Variants in CNTNAP5 observed in about 807,000 individuals in gnomAD.
CNTNAP5 encodes the protein contactin-associated protein-like 5.
CNTNAP5 carries 72 observed loss-of-function variants against 150.2 expected under a neutral mutation model. That is an observed-to-expected ratio of 0.48 (90% CI 0.40 to 0.58). The LOEUF (loss-of-function observed/expected upper bound fraction) is 0.58. Among genes scored for constraint, CNTNAP5 ranks in the 20% least tolerant of loss-of-function variants. The pLI is 0.00. For synonymous variants in CNTNAP5, 672 were observed against 619.8 expected (o/e 1.08, Z -1.25); for missense variants, 1,636 against 1,626.2 (o/e 1.01, Z -0.10).
chr2:124,562,506 T>G (rs942872189), intron 10 of CNTNAP5, among the ~76,000 whole-genome samples: 2 of 152,204 alleles, frequency 1.3e-5, no homozygotes, highest in African/African-American at 4.8e-5. Flanking sequence ...AGCATATATA[T>G]TTTTCATATT....
At chr2:124,842,462 A>G (rs2104693956) in intron 19 of CNTNAP5, among the ~76,000 whole-genome samples, 1 of 152,314 alleles carries the variant, frequency 6.6e-6, no homozygotes, top group East Asian at 1.9e-4. Flanking sequence ...TCCTTGAAAA[A>G]GGGCTGCCAT....
intron 3 of CNTNAP5, among the ~76,000 whole-genome samples, chr2:124,315,871 A>T (rs904176612): frequency 1.3e-5 from 2 of 151,838 alleles, no homozygotes; most frequent in African/African-American, 4.8e-5. Context: ...GAGAAAAAAA[A>T]TTTCTAGGAG....
At chr2:124,038,059 G>C (rs1271641307) in intron 1 of CNTNAP5, among the ~76,000 whole-genome samples, 1 of 152,100 alleles carries the variant, frequency 6.6e-6, no homozygotes, top group Non-Finnish European at 1.5e-5. Flanking sequence ...CAGACTGTAA[G>C]CTCTTTTTAC....
intron 8 of CNTNAP5, among the ~76,000 whole-genome samples, chr2:124,508,090 A>G (rs1006074962): frequency 2.0e-5 from 3 of 151,156 alleles, no homozygotes; most frequent in African/African-American, 7.3e-5. Context: ...ACAAGAGATA[A>G]AAAAAAAATT....
intron 1 of CNTNAP5, among the ~76,000 whole-genome samples, chr2:124,221,318 A>G (rs955818874): frequency 1.3e-5 from 2 of 152,106 alleles, no homozygotes; most frequent in African/African-American, 4.8e-5. Context: ...CCTTTTAATC[A>G]TCTCGCTTCT....
At chr2:124,580,966 A>G (rs1047968632) in intron 11 of CNTNAP5, among the ~76,000 whole-genome samples, 1 of 152,172 alleles carries the variant, frequency 6.6e-6, no homozygotes, top group Non-Finnish European at 1.5e-5. Context: ...TGTGGAGCAC[A>G]GGGGGAACGG....
rs1684086923 is a variant in CNTNAP5, at chr2:124,140,300, G to T, written c.83-81405G>T. Among the ~76,000 whole-genome samples the T allele has an allele frequency of 2.0e-5, 3 of 151,828 alleles. No homozygotes were observed. In the South Asian group the frequency reaches 6.3e-4, roughly 32 times the overall value. On this transcript the variant is annotated intron_variant, in intron 1 of 23. Coordinates refer to ENST00000682447, the MANE Select transcript of CNTNAP5 (RefSeq NM_001367498.1). ...GTGGAGCCCACCACAGCTCAAGGAGGCCTGCCTGCCTCTGTAGGCTCCACC... is the reference window on the plus strand; with the variant it reads ...GTGGAGCCCACCACAGCTCAAGGAGTCCTGCCTGCCTCTGTAGGCTCCACC...
At chr2:124,745,979 A>AT (rs1168025279) in intron 13 of CNTNAP5, among the ~76,000 whole-genome samples, 5 of 152,232 alleles carry the variant, frequency 3.3e-5, no homozygotes, top group East Asian at 1.9e-4. Context: ...ATTAATTGTG[A>AT]TTTTTATGTT....
At chr2:124,307,241 GAC>G (rs1338233775) in intron 3 of CNTNAP5, among the ~76,000 whole-genome samples, 1 of 152,102 alleles carries the variant, frequency 6.6e-6, no homozygotes, top group Non-Finnish European at 1.5e-5. Context: ...TCCTTGGTGA[GAC>G]AGAGAGAAAG....
chr2:124,914,204 T>G lies in CNTNAP5; in HGVS notation c.3840T>G (p.Tyr1280Ter). ...HRTSQMKEKE[Y>*]PENLDSSFRN... is the part of the protein sequence containing the mutation. ...CGAGCCAGATGAAGGAGAAGGAATA[T>G]CCAGAAAATTTGGACAGTTCCTTCA... Residue 1280 changes from tyrosine to a stop codon, truncating the protein, a stop_gained, in exon 24 of 24, where the codon TAT becomes TAG. Coordinates refer to ENST00000682447, the MANE Select transcript of CNTNAP5 (RefSeq NM_001367498.1). LOFTEE classifies it high-confidence loss of function. The G allele has an allele frequency of 6.2e-7, 1 of 1,612,540 alleles. No individual in the cohort carries two copies. The highest frequency in any genetic ancestry group is 8.5e-7 in the Non-Finnish European group (1 of 1,178,992).
intron 1 of CNTNAP5, among the ~76,000 whole-genome samples, chr2:124,115,447 T>C (rs1418689446): frequency 1.3e-5 from 2 of 152,114 alleles, no homozygotes; most frequent in Non-Finnish European, 2.9e-5. Context: ...AGGCCCTCAG[T>C]TTTTGGAAAA....
chr2:124,891,831 T>C (rs2104748847), intron 21 of CNTNAP5, among the ~76,000 whole-genome samples: 1 of 152,282 alleles, frequency 6.6e-6, no homozygotes, highest in South Asian at 2.1e-4. Context: ...AAACAGTACA[T>C]TTCCTAGCCT....
intron 1 of CNTNAP5, among the ~76,000 whole-genome samples, chr2:124,079,674 A>C (rs947304043): frequency 1.3e-5 from 2 of 152,172 alleles, no homozygotes; most frequent in Admixed American, 6.5e-5. Context: ...TTATCAAAGG[A>C]AAAAATGTTT....
chr2:124,383,737 C>T (rs1283019330), intron 3 of CNTNAP5, among the ~76,000 whole-genome samples: 1 of 152,214 alleles, frequency 6.6e-6, no homozygotes, highest in Non-Finnish European at 1.5e-5. Flanking sequence ...CCATGATTGG[C>T]ACTCCATGAA....
At chr2:124,906,104 T>TA (rs35853721) in intron 22 of CNTNAP5, among the ~76,000 whole-genome samples, 78,696 of 151,936 alleles carry the variant, frequency 0.52, 21,397 homozygotes, top group African/African-American at 0.66. Flanking sequence ...AAATACTGAT[T>TA]AAAAAATGAC....
chr2:124,344,926 C>A (rs1042001277), intron 3 of CNTNAP5, among the ~76,000 whole-genome samples: 1 of 152,148 alleles, frequency 6.6e-6, no homozygotes, highest in African/African-American at 2.4e-5. Flanking sequence ...CTGGATGCAA[C>A]CTACATGGCT....
At chr2:124,674,616 C>A (rs539750210) in intron 13 of CNTNAP5, among the ~76,000 whole-genome samples, 4 of 149,140 alleles carry the variant, frequency 2.7e-5, no homozygotes, top group African/African-American at 9.8e-5. Flanking sequence ...TAAATACAGG[C>A]ATTTACAACA....
intron 12 of CNTNAP5, among the ~76,000 whole-genome samples, chr2:124,610,556 G>A (rs1411163430): frequency 6.6e-6 from 1 of 152,166 alleles, no homozygotes; most frequent in East Asian, 1.9e-4. Flanking sequence ...AAATGCAGAA[G>A]GACATGGTAA....
chr2:124,662,015 C>G (rs916857411), intron 13 of CNTNAP5, among the ~76,000 whole-genome samples: 5 of 152,076 alleles, frequency 3.3e-5, no homozygotes, highest in African/African-American at 1.2e-4. Flanking sequence ...TCCCACCCCC[C>G]GATAGGCCTC....
Sources: allele counts gnomAD v4.1 joint callset (sites outside exome capture counted in the v4.1 genomes callset), GRCh38; gene constraint gnomAD v4.1.1; transcripts MANE v1.5; gene names NCBI Gene and HGNC (gene_info 2026-07-23, HGNC 2026-07-21).